The following GLIS3 variants were observed in gnomAD, a reference collection of about 807,000 sequenced individuals.
GLIS3 encodes the protein GLIS family zinc finger 3, also known as zinc finger protein GLIS3.
GLIS3 carries 53 observed loss-of-function variants against 78.6 expected under a neutral mutation model. The observed-to-expected ratio is 0.67, with a 90% CI of 0.54 to 0.85. GLIS3 has a LOEUF of 0.85. Ranked by LOEUF, GLIS3 falls within the 40% of genes least tolerant of loss-of-function variation. The pLI, the probability that GLIS3 is intolerant of heterozygous loss-of-function variation, is 0.00. For synonymous variants in GLIS3, 684 were observed against 509.9 expected (o/e 1.34, Z -4.60); for missense variants, 1,703 against 1,231.1 (o/e 1.38, Z -5.74).
chr9:3,971,632 C>A (rs375791847), intron 4 of GLIS3, among the ~76,000 whole-genome samples: 143 of 152,248 alleles, frequency 9.4e-4, no homozygotes, highest in African/African-American at 3.4e-3. Context: ...AACAAACTAA[C>A]CCACGGTACA....
intron 2 of GLIS3, among the ~76,000 whole-genome samples, chr9:4,195,260 G>A (rs1007094147): frequency 3.3e-5 from 5 of 152,216 alleles, no homozygotes; most frequent in Admixed American, 3.3e-4. Context: ...GCTGGTTGAG[G>A]CCAGAGCTGC....
chr9:3,826,955 A>G lies in GLIS3; in HGVS notation c.*1317T>C, dbSNP rs1817756885. 6.6e-6 allele frequency: 1 copy of G among 152,236 alleles called. No homozygotes were observed. The highest frequency in any genetic ancestry group is 1.5e-5 in the Non-Finnish European group (1 of 68,044). 9.4% of individuals were successfully genotyped at this position (152,236 alleles called of 1,614,324 possible). A position where few individuals can be genotyped will look rare whatever the true frequency, so the allele number is the denominator to read the frequency against. ...TAATAGCTATGTAGAGGTGTCACAG[A>G]AAATGACTTCCTATTTAGGCTTGAT... is the stretch of plus-strand genomic sequence containing the variant. On this transcript the variant is annotated 3_prime_UTR_variant, in exon 11 of 11. Transcript: ENST00000381971.
At position 4,068,318 on chromosome 9, in the gene GLIS3, C is replaced by G. The variant is rs1010750162; in HGVS notation, c.1710+49450G>C. Among the ~76,000 whole-genome samples, 35 of 151,904 alleles carry G rather than the reference C, an allele frequency of 2.3e-4. 1 individual carries two copies. Among genetic ancestry groups the G allele is most frequent in the Admixed American group, 2.2e-3 (34 of 15,272 alleles). ...AAAAGGTGCCACATTTCTTATCTTA[C>G]AGAGAATCAGTAGTATTTTATTCAT... On this transcript the variant is annotated intron_variant, in intron 4 of 10. Coordinates refer to ENST00000381971, the MANE Select transcript of GLIS3 (RefSeq NM_001042413.2).
At chr9:4,217,142 G>A (rs1042668246) in intron 2 of GLIS3, among the ~76,000 whole-genome samples, 2 of 152,230 alleles carry the variant, frequency 1.3e-5, no homozygotes, top group Non-Finnish European at 2.9e-5. Flanking sequence ...ACATGAAGTA[G>A]AGAACCAAGG....
intron 4 of GLIS3, among the ~76,000 whole-genome samples, chr9:4,036,485 G>C (rs1344812239): frequency 2.0e-5 from 3 of 152,156 alleles, no homozygotes; most frequent in African/African-American, 7.2e-5. Context: ...TGTGAAAGAA[G>C]TAGAGAACTC....
intron 4 of GLIS3, among the ~76,000 whole-genome samples, chr9:4,022,550 A>C (rs574768677): frequency 2.4e-4 from 36 of 152,296 alleles, no homozygotes; most frequent in Non-Finnish European, 3.8e-4. Context: ...AGCCTACCCT[A>C]TGACCCAGCC....
chr9:3,863,195 ACTTCATGAATTC>A (rs1820337483), intron 8 of GLIS3, among the ~76,000 whole-genome samples: 1 of 152,228 alleles, frequency 6.6e-6, no homozygotes, highest in African/African-American at 2.4e-5. Context: ...TTTATGAATC[ACTTCATGAATTC>A]CTGGCTGACT....
chr9:4,167,029 A>G (rs1303219769), intron 2 of GLIS3, among the ~76,000 whole-genome samples: 9 of 152,030 alleles, frequency 5.9e-5, no homozygotes, highest in African/African-American at 9.7e-5. Context: ...AGAAAGACAG[A>G]CGAACAAAAC....
intron 4 of GLIS3, among the ~76,000 whole-genome samples, chr9:4,086,827 C>T (rs1056606839): frequency 1.3e-5 from 2 of 152,218 alleles, no homozygotes; most frequent in African/African-American, 4.8e-5. Flanking sequence ...GGAGATTAAT[C>T]TCTTTTTCCC....
At chr9:4,137,062 T>TG (rs1833458170) in intron 2 of GLIS3, among the ~76,000 whole-genome samples, 1 of 152,160 alleles carries the variant, frequency 6.6e-6, no homozygotes, top group Admixed American at 6.5e-5. Flanking sequence ...GAGGAGCACA[T>TG]GAACCAGCTG....
At chr9:3,919,250 C>A (rs912288388) in intron 6 of GLIS3, among the ~76,000 whole-genome samples, 12 of 152,186 alleles carry the variant, frequency 7.9e-5, no homozygotes, top group Admixed American at 2.6e-4. Flanking sequence ...ATCAGACCGC[C>A]ATAGTCAGAA....
chr9:4,350,761 C>G (rs1301713136), upstream of GLIS3, among the ~76,000 whole-genome samples: 1 of 146,646 alleles, frequency 6.8e-6, no homozygotes. Context: ...CTCTTCTACC[C>G]AAAATGCCTT....
intron 2 of GLIS3, among the ~76,000 whole-genome samples, chr9:4,249,130 A>G (rs953662047): frequency 2.0e-5 from 3 of 152,268 alleles, no homozygotes; most frequent in East Asian, 1.9e-4. Context: ...TTGGTTCCAT[A>G]TGAAATTTAA....
intron 2 of GLIS3, among the ~76,000 whole-genome samples, chr9:4,145,925 G>A (rs962037128): frequency 6.6e-6 from 1 of 152,046 alleles, no homozygotes; most frequent in Non-Finnish European, 1.5e-5. Flanking sequence ...TCCTAAAAAG[G>A]TCATTTCCAA....
rs946221554 is a variant in GLIS3, at chr9:4,299,890, G to A, written c.-568C>T. 2 of 152,150 alleles carry A rather than the reference G, an allele frequency of 1.3e-5. No homozygotes were observed. Among genetic ancestry groups the A allele is most frequent in the South Asian group, 4.1e-4 (2 of 4,830 alleles). The allele number at this position is 152,150 out of a possible 1,614,324, so 9.4% of individuals were successfully genotyped here. On this transcript the variant is annotated 5_prime_UTR_variant, in exon 1 of 11. Transcript: ENST00000381971. ...TTCCGTCGCCGGTGTGACCCTGGAC[G>A]GCGCGGACGGCGTACAGGGGGTCCC...
intron 2 of GLIS3, among the ~76,000 whole-genome samples, chr9:4,262,063 C>G (rs1223965271): frequency 6.6e-6 from 1 of 152,018 alleles, no homozygotes; most frequent in African/African-American, 2.4e-5. Flanking sequence ...CAATGAATGG[C>G]TAGAAAGAGA....
intron 4 of GLIS3, among the ~76,000 whole-genome samples, chr9:3,984,135 A>T (rs557817487): frequency 3.5e-4 from 54 of 152,250 alleles, no homozygotes; most frequent in African/African-American, 1.3e-3. Context: ...GTGATGTTGG[A>T]GCCCCCACAC....
chr9:3,869,476 C>A (rs1396590194), intron 8 of GLIS3, among the ~76,000 whole-genome samples: 2 of 152,164 alleles, frequency 1.3e-5, no homozygotes, highest in Non-Finnish European at 2.9e-5. Context: ...AGAGAAACCA[C>A]AAATGGATGG....
intron 8 of GLIS3, among the ~76,000 whole-genome samples, chr9:3,862,002 T>G (rs1324637377): frequency 6.6e-6 from 1 of 152,176 alleles, no homozygotes; most frequent in East Asian, 1.9e-4. Context: ...GATTTTCTAG[T>G]TCTAGAAGTA....
Sources: allele counts gnomAD v4.1 joint callset (sites outside exome capture counted in the v4.1 genomes callset), GRCh38; gene constraint gnomAD v4.1.1; transcripts MANE v1.5; gene names NCBI Gene and HGNC (gene_info 2026-07-23, HGNC 2026-07-21).